Variants in TAFA4 observed in about 807,000 individuals in gnomAD.
TAFA4 encodes chemokine-like protein TAFA-4.
TAFA4 carries 20 observed loss-of-function variants against 21.1 expected under a neutral mutation model. That is an observed-to-expected ratio of 0.95 (90% CI 0.67 to 1.38). The LOEUF (loss-of-function observed/expected upper bound fraction) is 1.38, where lower values mean the gene tolerates loss of function less well. TAFA4 is among the 40% of genes most tolerant of loss of function. The probability of loss-of-function intolerance (pLI) is 0.00; values close to 1 mark genes in which losing one functional copy is unlikely to be tolerated. For synonymous variants in TAFA4, 71 were observed against 67.4 expected (o/e 1.05, Z -0.26); for missense variants, 211 against 180.9 (o/e 1.17, Z -0.95).
intron 3 of TAFA4, among the ~76,000 whole-genome samples, chr3:68,819,228 C>G (rs1704058027): frequency 7.0e-6 from 1 of 143,016 alleles, no homozygotes; most frequent in Non-Finnish European, 1.5e-5. Context: ...TGAAATTGCA[C>G]TACTGCACAC....
intron 1 of TAFA4, among the ~76,000 whole-genome samples, chr3:68,919,486 T>C (rs34290189): frequency 0.22 from 33,708 of 152,148 alleles, 3,776 homozygotes; most frequent in Middle Eastern, 0.32. Flanking sequence ...TAAATTACAA[T>C]GGCCTTACCT....
intron 3 of TAFA4, among the ~76,000 whole-genome samples, chr3:68,803,190 CATCT>C (rs1199309857): frequency 1.3e-5 from 2 of 152,110 alleles, no homozygotes; most frequent in East Asian, 1.9e-4. Context: ...ATGTGAGAGC[CATCT>C]ATCTATTTGT....
At chr3:68,897,993 G>C (rs2089809109) in intron 1 of TAFA4, among the ~76,000 whole-genome samples, 1 of 152,220 alleles carries the variant, frequency 6.6e-6, no homozygotes, top group Admixed American at 6.5e-5. Flanking sequence ...GCAAGGGGAT[G>C]AGACAAAGGA....
At chr3:68,767,823 GCA>G (rs1234435466) in intron 3 of TAFA4, among the ~76,000 whole-genome samples, 1 of 151,358 alleles carries the variant, frequency 6.6e-6, no homozygotes, top group African/African-American at 2.4e-5. Flanking sequence ...ATACATATGT[GCA>G]CACACATATA....
rs763655103 is a variant in TAFA4 at position 68,732,384 on chromosome 3, G to A, written c.*758C>T. 3 of 152,458 alleles carry A rather than the reference G, an allele frequency of 2.0e-5. No individual in the cohort carries two copies. The highest frequency in any genetic ancestry group is 2.9e-5 in the Non-Finnish European group (2 of 67,984). 9.4% of individuals were successfully genotyped at this position (152,458 alleles called of 1,614,324 possible). Reference sequence around the variant, plus strand: ...TTACCTACATGACTACACAAAAGCCGTAAAAATTCCAACAAGTTTTATAAA... The same window carrying A: ...TTACCTACATGACTACACAAAAGCCATAAAAATTCCAACAAGTTTTATAAA... On this transcript the variant is annotated 3_prime_UTR_variant, in exon 6 of 6. Coordinates refer to ENST00000295569, the MANE Select transcript of TAFA4 (RefSeq NM_182522.5).
At chr3:68,909,495 G>T (rs530167760) in intron 1 of TAFA4, among the ~76,000 whole-genome samples, 3 of 152,110 alleles carry the variant, frequency 2.0e-5, no homozygotes, top group Non-Finnish European at 4.4e-5. Context: ...CATGAAATAG[G>T]AAACTGTCCA....
rs1053857701 is a variant in TAFA4 at position 68,885,303 on chromosome 3, C to T, written c.-115G>A. ...GCCGTTCCAAAAAATTATCGTAGCTCAGAAGACCTATGTTAAAAAGGCCAA... is the reference window on the plus strand; with the variant it reads ...GCCGTTCCAAAAAATTATCGTAGCTTAGAAGACCTATGTTAAAAAGGCCAA... On this transcript the variant is annotated 5_prime_UTR_variant, in exon 2 of 6. Transcript: ENST00000295569. The T allele has an allele frequency of 8.2e-6, 7 of 855,280 alleles. No homozygotes were observed. In the Admixed American group the frequency reaches 1.9e-4, roughly 23 times the overall value. The allele number at this position is 855,280 out of a possible 1,614,324, so 53.0% of individuals were successfully genotyped here. A position where few individuals can be genotyped will look rare whatever the true frequency, so the allele number is the denominator to read the frequency against.
At chr3:68,769,064 T>C (rs1197142297) in intron 3 of TAFA4, among the ~76,000 whole-genome samples, 2 of 152,230 alleles carry the variant, frequency 1.3e-5, no homozygotes, top group South Asian at 4.1e-4. Flanking sequence ...AGGTACCAGT[T>C]TGTGGCCTGT....
chr3:68,800,503 C>T (rs183914629), intron 3 of TAFA4, among the ~76,000 whole-genome samples: 195 of 152,264 alleles, frequency 1.3e-3, no homozygotes, highest in African/African-American at 4.5e-3. Context: ...TCAAACTTGT[C>T]GAAACAGATA....
chr3:68,761,869 T>C (rs1187538731), intron 3 of TAFA4, among the ~76,000 whole-genome samples: 2 of 152,032 alleles, frequency 1.3e-5, no homozygotes, highest in African/African-American at 4.8e-5. Context: ...GGCTTCTAGA[T>C]GTGGAGATTC....
intron 1 of TAFA4, among the ~76,000 whole-genome samples, chr3:68,889,859 C>T (rs970483081): frequency 1.3e-5 from 2 of 152,140 alleles, no homozygotes; most frequent in East Asian, 3.8e-4. Context: ...TGTGATCTTA[C>T]ATTGGATCTT....
intron 3 of TAFA4, among the ~76,000 whole-genome samples, chr3:68,832,416 G>C (rs1381891314): frequency 6.6e-6 from 1 of 152,158 alleles, no homozygotes; most frequent in Non-Finnish European, 1.5e-5. Context: ...CTGTTTGTTA[G>C]TTTTCCTTCT....
intron 1 of TAFA4, among the ~76,000 whole-genome samples, chr3:68,922,150 T>G (rs1156303201): frequency 6.6e-6 from 1 of 152,188 alleles, no homozygotes; most frequent in Non-Finnish European, 1.5e-5. Context: ...GTATTAAAAT[T>G]TTTAAACTCT....
chr3:68,747,508 C>T (rs970209139), intron 4 of TAFA4, among the ~76,000 whole-genome samples: 1 of 152,186 alleles, frequency 6.6e-6, no homozygotes, highest in Non-Finnish European at 1.5e-5. Flanking sequence ...GCCTTTGTTC[C>T]TCCTTCACCT....
chr3:68,806,496 C>A (rs968371253), intron 3 of TAFA4, among the ~76,000 whole-genome samples: 1 of 152,150 alleles, frequency 6.6e-6, no homozygotes, highest in Non-Finnish European at 1.5e-5. Flanking sequence ...TTTACCCTAA[C>A]TCTTTTACAT....
At chr3:68,748,309 G>C (rs370295583) in intron 4 of TAFA4, among the ~76,000 whole-genome samples, 2 of 152,292 alleles carry the variant, frequency 1.3e-5, no homozygotes, top group East Asian at 3.9e-4. Context: ...AGAAAAATAC[G>C]TTTTAAGTGG....
At chr3:68,759,554 A>T (rs1268132195) in intron 3 of TAFA4, among the ~76,000 whole-genome samples, 2 of 152,070 alleles carry the variant, frequency 1.3e-5, no homozygotes, top group Admixed American at 6.5e-5. Flanking sequence ...CACTTCAAGT[A>T]AATTCACTTA....
intron 3 of TAFA4, among the ~76,000 whole-genome samples, chr3:68,865,265 T>A (rs1305316387): frequency 6.6e-6 from 1 of 152,146 alleles, no homozygotes; most frequent in African/African-American, 2.4e-5. Context: ...AATTTATTTT[T>A]TTTTTAATTT....
intron 1 of TAFA4, among the ~76,000 whole-genome samples, chr3:68,930,587 TATTG>T (rs1341066614): frequency 1.3e-5 from 2 of 152,204 alleles, no homozygotes; most frequent in African/African-American, 4.8e-5. Context: ...GCTATGAGAA[TATTG>T]ATTAAGAAAT....
Sources: gnomAD v4.1 joint callset for allele counts (sites outside exome capture counted in the v4.1 genomes callset) on GRCh38, gnomAD v4.1.1 for gene constraint, MANE v1.5 for transcripts, NCBI Gene and HGNC (gene_info 2026-07-23, HGNC 2026-07-21) for gene names.